Variants in TFAP2D observed in about 807,000 individuals in gnomAD.
The protein encoded by TFAP2D is transcription factor AP-2-delta.
Under a neutral mutation model 43.6 loss-of-function variants are expected in TFAP2D, and 9 were observed. That is an observed-to-expected ratio of 0.21 (90% CI 0.12 to 0.36). The LOEUF (loss-of-function observed/expected upper bound fraction) is 0.36. Ranked by LOEUF, TFAP2D falls within the 10% of genes least tolerant of loss-of-function variation. The pLI is 1.00. For missense variants in TFAP2D, 513 were observed against 561.4 expected (o/e 0.91, Z 0.87); for synonymous variants, 256 against 224.9 (o/e 1.14, Z -1.24).
intron 2 of TFAP2D, among the ~76,000 whole-genome samples, chr6:50,717,559 C>T (rs921333455): frequency 6.6e-5 from 10 of 152,162 alleles, no homozygotes; most frequent in Non-Finnish European, 1.2e-4. Flanking sequence ...TCTTTTATTA[C>T]TCATACTGAA....
chr6:50,741,115 A>C (rs1184861625), intron 5 of TFAP2D, among the ~76,000 whole-genome samples: 1 of 151,838 alleles, frequency 6.6e-6, no homozygotes, highest in Non-Finnish European at 1.5e-5. Flanking sequence ...AGTATTTAAT[A>C]TAAGTATTTA....
chr6:50,736,070 T>C (rs1768959952), intron 5 of TFAP2D, among the ~76,000 whole-genome samples: 1 of 152,144 alleles, frequency 6.6e-6, no homozygotes, highest in African/African-American at 2.4e-5. Flanking sequence ...CTAAAAGTCA[T>C]ATGAAACTTG....
chr6:50,767,248 G>A (rs1037353049), intron 7 of TFAP2D, among the ~76,000 whole-genome samples: 3 of 152,262 alleles, frequency 2.0e-5, no homozygotes, highest in East Asian at 1.9e-4. Context: ...AGTGGGCACC[G>A]TCTTCTTGTT....
rs1768901815 is a variant in TFAP2D at position 50,731,996 on chromosome 6, A to G, written c.883+2684A>G. ...TGGGTCTAATGTTTGTTCCATTTCT[A>G]CAGTTTTACTCCTGTATGAATTTCA... On this transcript the variant is annotated intron_variant, in intron 5 of 7. Transcript: ENST00000008391. Among the ~76,000 whole-genome samples the G allele has an allele frequency of 3.3e-5, 5 of 152,174 alleles. No individual in the cohort carries two copies. In the East Asian group the frequency reaches 5.8e-4, roughly 18 times the overall value.
chr6:50,733,986 A>ATGTGTG (rs34213110), intron 5 of TFAP2D, among the ~76,000 whole-genome samples: 330 of 141,668 alleles, frequency 2.3e-3, no homozygotes, highest in African/African-American at 5.5e-3. Context: ...CTTTCTGTGT[A>ATGTGTG]TGTGTGTGTG....
intron 7 of TFAP2D, among the ~76,000 whole-genome samples, chr6:50,756,523 C>G (rs1375194629): frequency 6.6e-6 from 1 of 151,986 alleles, no homozygotes; most frequent in African/African-American, 2.4e-5. Context: ...TATGTCCAGA[C>G]AAAGCACAAA....
At chr6:50,730,104 C>G (rs936286308) in intron 5 of TFAP2D, among the ~76,000 whole-genome samples, 1 of 152,022 alleles carries the variant, frequency 6.6e-6, no homozygotes, top group African/African-American at 2.4e-5. Context: ...GGCCTTTTGC[C>G]AAGCCTCACC....
Position 50,773,016 on chromosome 6 carries a change from CA to C in TFAP2D, c.*158del, listed in dbSNP as rs1486816827. Reference sequence around the variant, plus strand: ...ACAAAAATGGAAATGAAAAATGAAACAAAAAAGGACAAAACCAAAAAAAAAA... The same window carrying C: ...ACAAAAATGGAAATGAAAAATGAAACAAAAAGGACAAAACCAAAAAAAAAA... On this transcript the variant is annotated 3_prime_UTR_variant, in exon 8 of 8. Coordinates refer to ENST00000008391, the MANE Select transcript of TFAP2D (RefSeq NM_172238.4). The C allele has an allele frequency of 5.4e-6, 3 of 557,546 alleles. No individual in the cohort carries two copies. The highest frequency in any genetic ancestry group is 8.3e-6 in the Non-Finnish European group (3 of 363,518). 34.5% of individuals were successfully genotyped at this position (557,546 alleles called of 1,614,324 possible).
At chr6:50,756,398 T>C (rs1430532293) in intron 7 of TFAP2D, among the ~76,000 whole-genome samples, 1 of 152,074 alleles carries the variant, frequency 6.6e-6, no homozygotes, top group East Asian at 1.9e-4. Flanking sequence ...CATCAACTTG[T>C]GTTACTATTC....
rs200673328 is a variant in TFAP2D, at chr6:50,715,308, T to C, written c.232T>C (p.Phe78Leu). The C allele has an allele frequency of 1.9e-6, 3 of 1,612,826 alleles. No homozygotes were observed. Among genetic ancestry groups the C allele is most frequent in the Non-Finnish European group, 1.7e-6 (2 of 1,179,664 alleles). Residue 78 changes from phenylalanine (F) to leucine (L), a missense_variant, in exon 2 of 8, where the codon TTT (phenylalanine) becomes CTT (leucine). Transcript: ENST00000008391. ...PLHHQSFHYEFQHSHPAVTPD... is the reference protein window; with the variant it reads ...PLHHQSFHYELQHSHPAVTPD... ...CCACCACCAGTCCTTCCATTACGAG[T>C]TTCAGCACAGCCACCCGGCCGTCAC...
intron 5 of TFAP2D, among the ~76,000 whole-genome samples, chr6:50,741,482 A>G (rs1029089591): frequency 1.3e-5 from 2 of 151,924 alleles, no homozygotes; most frequent in Admixed American, 6.6e-5. Flanking sequence ...GCTCCTTTCT[A>G]TGTGTCCATG....
At chr6:50,757,488 T>TAGA (rs1769292489) in intron 7 of TFAP2D, among the ~76,000 whole-genome samples, 3 of 98,862 alleles carry the variant, frequency 3.0e-5, no homozygotes, top group Non-Finnish European at 5.5e-5. Context: ...TCTATATATA[T>TAGA]ATAATATATA....
At position 50,772,898 on chromosome 6, in the gene TFAP2D, T is replaced by A. The variant is rs908089765; in HGVS notation, c.*34T>A. 2 of 1,562,992 alleles carry A rather than the reference T, an allele frequency of 1.3e-6. No homozygotes were observed. The highest frequency in any genetic ancestry group is 2.7e-5 in the African/African-American group (2 of 73,066). ...AACAGAATCTATTTCCAGAGAGTCT[T>A]GCTGCTGATATTTTTTCTAATATAT... On this transcript the variant is annotated 3_prime_UTR_variant, in exon 8 of 8. Coordinates refer to ENST00000008391, the MANE Select transcript of TFAP2D (RefSeq NM_172238.4).
At chr6:50,727,779 A>T (rs751703422) in intron 3 of TFAP2D, among the ~76,000 whole-genome samples, 13 of 151,732 alleles carry the variant, frequency 8.6e-5, no homozygotes, top group Non-Finnish European at 1.8e-4. Context: ...ACCCTTAAAA[A>T]CTCTGCCTTT....
rs141424798 is a variant in TFAP2D, at chr6:50,769,201, G to T, written c.1140-3444G>T. 5.1e-3 allele frequency among the ~76,000 whole-genome samples: 770 copies of T among 152,098 alleles called. 7 individuals carry two copies. The highest frequency in any genetic ancestry group is 0.017 in the African/African-American group (719 of 41,492). On this transcript the variant is annotated intron_variant, in intron 7 of 7. Coordinates refer to ENST00000008391, the MANE Select transcript of TFAP2D (RefSeq NM_172238.4). ...GAGCCACTGCGCCCAGCCCTGAAGT[G>T]GTTTTTCAACTTCCATAACCTGTGT... is the stretch of plus-strand genomic sequence containing the variant.
chr6:50,717,655 A>T (rs1361451942), intron 2 of TFAP2D, among the ~76,000 whole-genome samples: 1 of 152,220 alleles, frequency 6.6e-6, no homozygotes, highest in Non-Finnish European at 1.5e-5. Context: ...ACCTTTACAT[A>T]GATATATCCA....
chr6:50,764,843 G>GAT (rs1411635598), intron 7 of TFAP2D, among the ~76,000 whole-genome samples: 1 of 152,078 alleles, frequency 6.6e-6, no homozygotes, highest in Non-Finnish European at 1.5e-5. Context: ...ATGATGATTT[G>GAT]ATATATATTG....
chr6:50,746,948 A>C (rs943694967), intron 6 of TFAP2D, among the ~76,000 whole-genome samples: 1 of 152,166 alleles, frequency 6.6e-6, no homozygotes, highest in Non-Finnish European at 1.5e-5. Flanking sequence ...AAAGCAAAAC[A>C]AGATTAAGAG....
chr6:50,743,550 T>A (rs1035763474), intron 5 of TFAP2D, among the ~76,000 whole-genome samples: 2 of 151,976 alleles, frequency 1.3e-5, no homozygotes, highest in African/African-American at 2.4e-5. Context: ...ATCTGACTAA[T>A]TTTTAAATTT....
Sources: allele counts gnomAD v4.1 joint callset (sites outside exome capture counted in the v4.1 genomes callset), GRCh38; gene constraint gnomAD v4.1.1; transcripts MANE v1.5; gene names NCBI Gene and HGNC (gene_info 2026-07-23, HGNC 2026-07-21).